The following RABEP1 variants were observed in gnomAD, a reference collection of about 807,000 sequenced individuals.
The protein encoded by RABEP1 is rabaptin, RAB GTPase binding effector protein 1, also known as rab GTPase-binding effector protein 1.
Under a neutral mutation model 123.4 loss-of-function variants are expected in RABEP1, and 51 were observed. That is an observed-to-expected ratio of 0.41 (90% CI 0.33 to 0.52). The LOEUF is 0.52. Ranked by LOEUF, RABEP1 falls within the 20% of genes least tolerant of loss-of-function variation. The pLI, the probability that RABEP1 is intolerant of heterozygous loss-of-function variation, is 0.16. For missense variants in RABEP1, 888 were observed against 996.3 expected (o/e 0.89, Z 1.46); for synonymous variants, 347 against 355.2 (o/e 0.98, Z 0.26).
At chr17:5,283,935 A>T (rs1301465746) in intron 1 of RABEP1, 1 of 152,206 alleles carries the variant, frequency 6.6e-6, no homozygotes, top group Non-Finnish European at 1.5e-5. Context: ...GGAAACTGGG[A>T]TGTCTTCAGG....
At chr17:5,323,997 T>G (rs1905716094) in intron 2 of RABEP1, among the ~76,000 whole-genome samples, 1 of 151,544 alleles carries the variant, frequency 6.6e-6, no homozygotes, top group Non-Finnish European at 1.5e-5. Context: ...TTAATATTGT[T>G]GAAATGACAA....
intron 1 of RABEP1, among the ~76,000 whole-genome samples, chr17:5,307,323 C>G (rs570803457): frequency 5.3e-5 from 8 of 152,206 alleles, no homozygotes; most frequent in African/African-American, 1.9e-4. Flanking sequence ...GTCTCAAAAG[C>G]ATATGGAAGA....
At chr17:5,314,064 C>T (rs1349918232) in intron 2 of RABEP1, among the ~76,000 whole-genome samples, 1 of 152,046 alleles carries the variant, frequency 6.6e-6, no homozygotes, top group African/African-American at 2.4e-5. Context: ...GTCAAGGTAA[C>T]CCTGAAAGTC....
At position 5,381,442 on chromosome 17, in the gene RABEP1, G is replaced by C; in HGVS notation, c.2424G>C (p.Gln808His). The change falls in exon 17 of 18, where the codon CAG becomes CAC. Residue 808 changes from glutamine to histidine, a missense_variant. By Grantham distance (24) the Gln-to-His change is conservative. Transcript: ENST00000537505. ...FEEKNKAQRL[Q>H]TELDVSEQVQ... is the part of the protein sequence containing the mutation. ...AGAAGAATAAAGCTCAGAGATTACA[G>C]ACAGAATTAGATGTCAGTGAGCAAG... The C allele has an allele frequency of 6.2e-7, 1 of 1,613,688 alleles. No individual in the cohort carries two copies. Among genetic ancestry groups the C allele is most frequent in the Non-Finnish European group, 8.5e-7 (1 of 1,179,740 alleles).
Position 5,303,889 on chromosome 17 carries a change from T to C in RABEP1, c.35-4805T>C, listed in dbSNP as rs151074415. On this transcript the variant is annotated intron_variant, in intron 1 of 17. Coordinates refer to ENST00000537505, the MANE Select transcript of RABEP1 (RefSeq NM_004703.6). ...CTCTACTAAAAGTACAAAAATTAGC[T>C]GTGAGTGGTGGTGGGCACCTGTAAT... is the stretch of plus-strand genomic sequence containing the variant. Among the ~76,000 whole-genome samples, 656 of 152,028 alleles carry C rather than the reference T, an allele frequency of 4.3e-3. 5 individuals are homozygous for C. The highest frequency in any genetic ancestry group is 0.014 in the African/African-American group (590 of 41,474).
intron 3 of RABEP1, among the ~76,000 whole-genome samples, chr17:5,334,608 T>G (rs1906883220): frequency 6.6e-6 from 1 of 152,214 alleles, no homozygotes; most frequent in Non-Finnish European, 1.5e-5. Context: ...TCAAGTGATC[T>G]GCCCGTCTGC....
intron 2 of RABEP1, among the ~76,000 whole-genome samples, chr17:5,324,280 C>T (rs1905743664): frequency 6.6e-6 from 1 of 152,024 alleles, no homozygotes; most frequent in Admixed American, 6.6e-5. Context: ...GAAACAAATC[C>T]ATGCATTTTG....
intron 1 of RABEP1, among the ~76,000 whole-genome samples, chr17:5,306,521 G>A (rs1024074716): frequency 1.3e-5 from 2 of 151,990 alleles, no homozygotes; most frequent in African/African-American, 2.4e-5. Context: ...CCAGCTACTC[G>A]GGAGGCTGAG....
chr17:5,367,224 A>C (rs1910076767), intron 11 of RABEP1, among the ~76,000 whole-genome samples: 1 of 151,128 alleles, frequency 6.6e-6, no homozygotes, highest in South Asian at 2.1e-4. Flanking sequence ...ATTTATATCT[A>C]AAATTCCTCT....
At chr17:5,378,056 C>T (rs1364973181) in intron 14 of RABEP1, 121 bp from the exon 15 acceptor site, 4 of 701,822 alleles carry the variant, frequency 5.7e-6, no homozygotes, top group Non-Finnish European at 9.5e-6. Flanking sequence ...TGAGACAGCC[C>T]CCGGAACCCA....
intron 5 of RABEP1, among the ~76,000 whole-genome samples, chr17:5,339,762 C>T (rs1007520384): frequency 2.6e-5 from 4 of 151,716 alleles, no homozygotes; most frequent in Non-Finnish European, 5.9e-5. Flanking sequence ...GAGACTGTAC[C>T]ACTGCACTCC....
chr17:5,290,667 A>C (rs924185436), intron 1 of RABEP1, among the ~76,000 whole-genome samples: 4 of 152,038 alleles, frequency 2.6e-5, no homozygotes, highest in African/African-American at 9.7e-5. Flanking sequence ...ATCTTAGCTG[A>C]CTGCAACCTT....
intron 12 of RABEP1, among the ~76,000 whole-genome samples, chr17:5,370,581 A>G (rs1311810035): frequency 6.6e-6 from 1 of 152,154 alleles, no homozygotes; most frequent in East Asian, 1.9e-4. Flanking sequence ...GTTTCAGGCC[A>G]TCTGTCTTGT....
At chr17:5,319,337 A>AC (rs1359172242) in intron 2 of RABEP1, among the ~76,000 whole-genome samples, 1 of 117,522 alleles carries the variant, frequency 8.5e-6, no homozygotes, top group Admixed American at 7.8e-5. Flanking sequence ...CAAAAAAAAA[A>AC]AAAACAAAAA....
chr17:5,305,955 C>T (rs2075175656), intron 1 of RABEP1, among the ~76,000 whole-genome samples: 1 of 152,134 alleles, frequency 6.6e-6, no homozygotes, highest in African/African-American at 2.4e-5. Flanking sequence ...TGACATGGAA[C>T]TCAAACCAGC....
chr17:5,287,611 A>C (rs900757264), intron 1 of RABEP1, among the ~76,000 whole-genome samples: 10 of 144,970 alleles, frequency 6.9e-5, no homozygotes, highest in African/African-American at 1.4e-4. Context: ...AAAAAAAAAA[A>C]AAAAAAAAAA....
chr17:5,285,389 C>G (rs1300401170), intron 1 of RABEP1, among the ~76,000 whole-genome samples: 3 of 151,664 alleles, frequency 2.0e-5, no homozygotes. Flanking sequence ...CCATCTTGGC[C>G]TCTCAGTGTT....
At chr17:5,337,988 A>C (rs1172174958) in intron 4 of RABEP1, 31 bp from the exon 5 acceptor site, 2 of 1,574,490 alleles carry the variant, frequency 1.3e-6, no homozygotes, top group Non-Finnish European at 1.7e-6. Context: ...TAAATGAATA[A>C]GTCGTAGCAT....
At chr17:5,329,988 C>G (rs1335153921) in intron 2 of RABEP1, among the ~76,000 whole-genome samples, 1 of 151,950 alleles carries the variant, frequency 6.6e-6, no homozygotes, top group East Asian at 1.9e-4. Flanking sequence ...TGGGTAATCT[C>G]CAGCAAATCA....
Sources: allele counts gnomAD v4.1 joint callset (sites outside exome capture counted in the v4.1 genomes callset), GRCh38; gene constraint gnomAD v4.1.1; transcripts MANE v1.5; gene names NCBI Gene and HGNC (gene_info 2026-07-23, HGNC 2026-07-21).